PPP1CC: variants seen among roughly 807,000 people sequenced by gnomAD.
The protein encoded by PPP1CC is protein phosphatase 1 catalytic subunit gamma.
PPP1CC carries 16 observed loss-of-function variants against 38.4 expected under a neutral mutation model. That is an observed-to-expected ratio of 0.42 (90% CI 0.28 to 0.63). The LOEUF (loss-of-function observed/expected upper bound fraction) is 0.63, where lower values mean the gene tolerates loss of function less well. PPP1CC is among the 30% of genes least tolerant of loss of function. PPP1CC has a pLI of 0.25. For synonymous variants in PPP1CC, 158 were observed against 136.0 expected, an observed-to-expected ratio of 1.16 and a Z score of -1.13; for missense variants, 170 against 391.3, an observed-to-expected ratio of 0.43 and a Z score of 4.77.
downstream of PPP1CC, among the ~76,000 whole-genome samples, chr12:110,718,253 CA>C (rs2069702807): frequency 6.6e-6 from 1 of 152,138 alleles, no homozygotes; most frequent in African/African-American, 2.4e-5. Context: ...ACCAAATCAG[CA>C]ATTTCTATGG....
In PPP1CC at chr12:110,722,976, T is replaced by A. The variant is rs1016385387; in HGVS notation, c.524-281A>T. Among the ~76,000 whole-genome samples the A allele has an allele frequency of 2.0e-5, 3 of 152,234 alleles. No homozygotes were observed. The highest frequency in any genetic ancestry group is 1.5e-5 in the Non-Finnish European group (1 of 68,034). On this transcript the variant is annotated intron_variant, in intron 4 of 6. Transcript: ENST00000335007. This position sits in a 1 kb window ranked among gnomAD's most constrained non-coding sequence, Gnocchi z 5.4. ...CAGAACACTGTAAAATAAAATCCAG[T>A]GATTTAAAAAACTCTTCTATGGGCT...
chr12:110,737,497 A>AAAAAAAAAAAAAAAG (rs2069959460), intron 1 of PPP1CC, among the ~76,000 whole-genome samples: 1 of 147,618 alleles, frequency 6.8e-6, no homozygotes, highest in African/African-American at 2.6e-5. Context: ...AAAAAAAAAA[A>AAAAAAAAAAAAAAAG]AAAAGAAAAG....
downstream of PPP1CC, among the ~76,000 whole-genome samples, chr12:110,717,842 C>T (rs532814594): frequency 3.3e-5 from 5 of 152,278 alleles, no homozygotes; most frequent in African/African-American, 9.6e-5. Context: ...CCCTTGTCTC[C>T]GTGTCTCAAT....
At chr12:110,734,485 A>G (rs1184469459) in intron 1 of PPP1CC, among the ~76,000 whole-genome samples, 1 of 152,160 alleles carries the variant, frequency 6.6e-6, no homozygotes, top group East Asian at 1.9e-4. Flanking sequence ...CTGGGATTAC[A>G]GGCATGCGCC....
chr12:110,735,104 A>T (rs558540662), intron 1 of PPP1CC: 3 of 146,476 alleles, frequency 2.0e-5, no homozygotes, highest in African/African-American at 2.5e-5. Context: ...GCCAGGCTGG[A>T]GTGCAGTGAT....
the PPP1CC span, among the ~76,000 whole-genome samples, chr12:110,713,317 A>G: frequency 1.6e-3 from 241 of 152,102 alleles, 1 homozygote; most frequent in African/African-American, 5.6e-3. Flanking sequence ...GCATTTTAGT[A>G]GAGATGAGTT....
At chr12:110,736,762 T>C (rs1410794649) in intron 1 of PPP1CC, among the ~76,000 whole-genome samples, 3 of 152,186 alleles carry the variant, frequency 2.0e-5, no homozygotes, top group Non-Finnish European at 2.9e-5. Flanking sequence ...AGATGGAAAC[T>C]ATGGAAGGAA....
intron 1 of PPP1CC, among the ~76,000 whole-genome samples, chr12:110,739,923 C>T (rs898848885): frequency 6.6e-6 from 1 of 152,176 alleles, no homozygotes; most frequent in Non-Finnish European, 1.5e-5. Context: ...ATCAGTTATA[C>T]TAAGGAGTTA....
intron 1 of PPP1CC, 36 bp downstream of exon 1, chr12:110,742,617 C>T: frequency 7.1e-7 from 1 of 1,408,446 alleles, no homozygotes. Flanking sequence ...GCCCTCAGGC[C>T]CGCCTCCCCC....
chr12:110,722,059 A>T lies in PPP1CC; in HGVS notation c.882+76T>A. ...ACTCAGCATAAGTGAACACTAGGCA[A>T]AAAGTAGCAATTATATTTTTCAATC... is the stretch of plus-strand genomic sequence containing the variant. On this transcript the variant is annotated intron_variant, in intron 6 of 6. Transcript: ENST00000335007. The surrounding 1 kb of genome is among the most constrained non-coding windows in gnomAD (Gnocchi z 5.4). The T allele has an allele frequency of 6.3e-7, 1 of 1,588,358 alleles. No homozygotes were observed. Among genetic ancestry groups the T allele is most frequent in the Non-Finnish European group, 8.6e-7 (1 of 1,162,926 alleles).
intron 3 of PPP1CC, among the ~76,000 whole-genome samples, chr12:110,726,863 C>T (rs2069805416): frequency 1.3e-5 from 2 of 152,182 alleles, no homozygotes; most frequent in African/African-American, 4.8e-5. Flanking sequence ...GAATACTTAA[C>T]CTGTATTATA....
chr12:110,725,029 T>G (rs2069780956), intron 3 of PPP1CC: 1 of 257,238 alleles, frequency 3.9e-6, no homozygotes, highest in Non-Finnish European at 7.6e-6. Flanking sequence ...TTCAAGACCA[T>G]CTTGGGCAAC....
In PPP1CC at chr12:110,720,363, A is replaced by G; in HGVS notation, c.*713T>C. On this transcript the variant is annotated 3_prime_UTR_variant, in exon 7 of 7. Coordinates refer to ENST00000335007, the MANE Select transcript of PPP1CC (RefSeq NM_002710.4). Reference sequence around the variant, plus strand: ...AAGAAGGCAGCATGTGTATACAACCATACCACCTTGTACTTAGGGGTGTGT... The same window carrying G: ...AAGAAGGCAGCATGTGTATACAACCGTACCACCTTGTACTTAGGGGTGTGT... 1 of 611,718 alleles carries G rather than the reference A, an allele frequency of 1.6e-6. No individual in the cohort carries two copies. The highest frequency in any genetic ancestry group is 2.8e-6 in the Non-Finnish European group (1 of 351,722). 37.9% of individuals were successfully genotyped at this position (611,718 alleles called of 1,614,324 possible).
chr12:110,731,708 C>A, intron 2 of PPP1CC, 62 bp downstream of exon 2: 1 of 1,548,224 alleles, frequency 6.5e-7, no homozygotes, highest in Non-Finnish European at 8.8e-7. Flanking sequence ...AGGTCATCAA[C>A]ATATCCTTGA....
At chr12:110,738,382 C>T (rs2069972771) in intron 1 of PPP1CC, among the ~76,000 whole-genome samples, 1 of 152,210 alleles carries the variant, frequency 6.6e-6, no homozygotes, top group Admixed American at 6.5e-5. Context: ...GCGACTGACA[C>T]CCAGAATATT....
chr12:110,729,674 A>G (rs996978669), intron 3 of PPP1CC, among the ~76,000 whole-genome samples: 2 of 152,232 alleles, frequency 1.3e-5, no homozygotes, highest in Non-Finnish European at 2.9e-5. Flanking sequence ...CCAGAAGGAG[A>G]AAAACTATAA....
chr12:110,724,809 G>A (rs766591635), intron 3 of PPP1CC, 45 bp from the exon 4 acceptor site: 7 of 1,173,466 alleles, frequency 6.0e-6, no homozygotes, highest in Non-Finnish European at 7.6e-6. Flanking sequence ...GAGTATTACT[G>A]TTCCGTAGGC....
At chr12:110,735,884 G>A (rs2069938240) in intron 1 of PPP1CC, among the ~76,000 whole-genome samples, 1 of 152,048 alleles carries the variant, frequency 6.6e-6, no homozygotes, top group Non-Finnish European at 1.5e-5. Context: ...GGCCAACATG[G>A]TGAAACCCCG....
intron 3 of PPP1CC, among the ~76,000 whole-genome samples, chr12:110,730,041 G>A (rs969268228): frequency 2.6e-5 from 4 of 152,138 alleles, no homozygotes. Context: ...TTATTACAGC[G>A]GCAGTGTTAT....
Sources: allele counts gnomAD v4.1 joint callset (sites outside exome capture counted in the v4.1 genomes callset), GRCh38; gene constraint gnomAD v4.1.1; non-coding constraint Gnocchi (gnomAD v3.1); transcripts MANE v1.5; gene names NCBI Gene and HGNC (gene_info 2026-07-23, HGNC 2026-07-21).